ANK2: variants seen among roughly 807,000 people sequenced by gnomAD.
ANK2 encodes ankyrin-2.
ANK2 carries 83 observed loss-of-function variants against 360.5 expected under a neutral mutation model. The ratio of observed to expected loss-of-function variants is 0.23; its 90% CI spans 0.19 to 0.28. ANK2 has a LOEUF of 0.28. Ranked by LOEUF, ANK2 falls within the 10% of genes least tolerant of loss-of-function variation. The pLI is 1.00. For missense variants in ANK2, 4,201 were observed against 4,795.7 expected (o/e 0.88, Z 3.66); for synonymous variants, 1,740 against 1,759.5 (o/e 0.99, Z 0.28).
rs968149274 is a variant in ANK2 at position 113,162,353 on chromosome 4, C to T, written c.85-12063C>T. On this transcript the variant is annotated intron_variant, in intron 1 of 45. Coordinates refer to ENST00000357077, the MANE Select transcript of ANK2 (RefSeq NM_001148.6). Reference sequence around the variant, plus strand: ...TTCCTGTCTTTTACTTATGGTGTAACACTCAATCTCCCTATTAGGACATAC... The same window carrying T: ...TTCCTGTCTTTTACTTATGGTGTAATACTCAATCTCCCTATTAGGACATAC... Among the ~76,000 whole-genome samples, 5 of 152,236 alleles carry T rather than the reference C, an allele frequency of 3.3e-5. No homozygotes were observed. The East Asian group carries it at 7.7e-4, about 23-fold the overall frequency.
At chr4:113,300,138 A>G (rs1242662538) in intron 22 of ANK2, among the ~76,000 whole-genome samples, 1 of 152,142 alleles carries the variant, frequency 6.6e-6, no homozygotes, top group Non-Finnish European at 1.5e-5. Flanking sequence ...ATCAACCACT[A>G]CTATTCTCCA....
intron 45 of ANK2, 94 bp downstream of exon 45, chr4:113,373,543 C>A: frequency 1.5e-6 from 2 of 1,352,498 alleles, no homozygotes; most frequent in Non-Finnish European, 1.1e-6. Context: ...ATATTTTCCT[C>A]ACTTCTCCCT....
chr4:112,861,382 C>T lies in ANK2; in HGVS notation c.-39-43073C>T, dbSNP rs541916413. Among the ~76,000 whole-genome samples the T allele has an allele frequency of 3.3e-5, 5 of 152,284 alleles. No homozygotes were observed. The East Asian group carries it at 7.7e-4, about 24-fold the overall frequency. On this transcript the variant is annotated intron_variant, in intron 1 of 30. Coordinates refer to the ANK2 transcript ENST00000503271. The stretch of plus-strand genomic sequence containing the variant: ...GAATTCTTCCTGAAGCCATGTGTAT[C>T]GGACTAACTATATTTTCCGTTGAGA...
chr4:113,278,382 A>G, intron 16 of ANK2, 78 bp from the exon 17 acceptor site: 1 of 1,164,526 alleles, frequency 8.6e-7, no homozygotes. Flanking sequence ...AATCAATATC[A>G]GTTTCCAGGC....
At chr4:112,738,712 A>G in the ANK2 span, 1 of 611,308 alleles carries the variant, frequency 1.6e-6, no homozygotes, top group Non-Finnish European at 3.1e-6. Flanking sequence ...AAGATCATTA[A>G]AAAGAGAACC....
chr4:112,832,732 C>G (rs1414713692), intron 1 of ANK2, among the ~76,000 whole-genome samples: 1 of 152,166 alleles, frequency 6.6e-6, no homozygotes, highest in African/African-American at 2.4e-5. Flanking sequence ...TGGTCTTCTA[C>G]TGTTATGCAC....
At chr4:112,861,798 AAAAC>A (rs763516871) in intron 1 of ANK2, among the ~76,000 whole-genome samples, 1 of 151,888 alleles carries the variant, frequency 6.6e-6, no homozygotes, top group Non-Finnish European at 1.5e-5. Flanking sequence ...TTCTTTGTTG[AAAAC>A]AAACAGGCAA....
At chr4:112,721,045 T>C in the ANK2 span, among the ~76,000 whole-genome samples, 12 of 152,272 alleles carry the variant, frequency 7.9e-5, no homozygotes, top group Admixed American at 2.0e-4. Context: ...AGAGAAAATA[T>C]AATCCCAGAA....
rs144397802 is a variant in ANK2 at position 113,357,771 on chromosome 4, C to T, written c.9153C>T (p.Asp3051=). 83 of 1,613,914 alleles carry T rather than the reference C, an allele frequency of 5.1e-5. No individual in the cohort carries two copies. The highest frequency in any genetic ancestry group is 4.6e-4 in the South Asian group (42 of 91,072). ...DSDSWSEIRE[D]DEAFEARVKE... is the part of the protein sequence containing the mutation. Reference sequence around the variant, plus strand: ...ATTCTTGGAGTGAAATTCGGGAAGACGATGAAGCCTTTGAGGCTCGTGTGA... The same window carrying T: ...ATTCTTGGAGTGAAATTCGGGAAGATGATGAAGCCTTTGAGGCTCGTGTGA... The change falls in exon 38 of 46, where the codon GAC becomes GAT. Residue 3051 remains aspartate, a synonymous_variant. Transcript: ENST00000357077.
At chr4:113,115,075 T>G (rs953412242) in intron 1 of ANK2, among the ~76,000 whole-genome samples, 1 of 152,166 alleles carries the variant, frequency 6.6e-6, no homozygotes, top group African/African-American at 2.4e-5. Flanking sequence ...CCACCTTCTT[T>G]CCTAATGACT....
chr4:113,318,671 A>G (rs1415139083), intron 26 of ANK2, 51 bp downstream of exon 26: 1 of 1,464,470 alleles, frequency 6.8e-7, no homozygotes, highest in East Asian at 2.4e-5. Context: ...AAGAGATGGG[A>G]GTGAAAACAA....
chr4:112,969,299 C>T (rs1455876418), intron 2 of ANK2, among the ~76,000 whole-genome samples: 3 of 152,202 alleles, frequency 2.0e-5, no homozygotes, highest in Non-Finnish European at 2.9e-5. Context: ...GGATTTGCAA[C>T]ATCTCGTTTC....
chr4:113,359,626 C>G (rs1043224977), intron 38 of ANK2, among the ~76,000 whole-genome samples: 17 of 152,140 alleles, frequency 1.1e-4, no homozygotes, highest in African/African-American at 3.9e-4. Flanking sequence ...CAAGCTTAGA[C>G]TCAAATTAAG....
chr4:112,755,205 A>G, the ANK2 span, among the ~76,000 whole-genome samples: 1 of 152,288 alleles, frequency 6.6e-6, no homozygotes, highest in Non-Finnish European at 1.5e-5. Context: ...CATTCTGGAT[A>G]TGTCTCATTG....
intron 2 of ANK2, among the ~76,000 whole-genome samples, chr4:112,972,344 T>C (rs1156642065): frequency 6.6e-6 from 1 of 152,154 alleles, no homozygotes; most frequent in African/African-American, 2.4e-5. Context: ...TCCCTCCCTT[T>C]GCCCCTCACC....
the ANK2 span, among the ~76,000 whole-genome samples, chr4:112,799,761 G>T: frequency 1.3e-5 from 2 of 149,914 alleles, no homozygotes; most frequent in Admixed American, 6.7e-5. Context: ...CAGGTGATCC[G>T]CCCGCCTCAG....
rs1421490427 is a variant in ANK2, at chr4:113,383,335, TA to T, written c.*1865del. 1 of 152,584 alleles carries T rather than the reference TA, an allele frequency of 6.6e-6. No homozygotes were observed. Among genetic ancestry groups the T allele is most frequent in the Non-Finnish European group, 1.5e-5 (1 of 68,028 alleles). 9.5% of individuals were successfully genotyped at this position (152,584 alleles called of 1,614,324 possible). ...ATGCTAGCACTTTTTGGCAGTTGGA[TA>T]GGAAATGAGACATTCTTTGGCAGCC... On this transcript the variant is annotated 3_prime_UTR_variant, in exon 46 of 46. Transcript: ENST00000357077.
chr4:112,775,515 T>TCACACACACACACA, the ANK2 span, among the ~76,000 whole-genome samples: 6,085 of 118,042 alleles, frequency 0.052, 240 homozygotes, highest in African/African-American at 0.06. Flanking sequence ...CTAAGCTCCA[T>TCACACACACACACA]CACACACACA....
At chr4:112,957,108 C>A (rs2095374973) in intron 2 of ANK2, among the ~76,000 whole-genome samples, 1 of 146,516 alleles carries the variant, frequency 6.8e-6, no homozygotes, top group Non-Finnish European at 1.5e-5. Context: ...GGAAGGTCAG[C>A]AGATAAACAA....
Sources: gnomAD v4.1 joint callset for allele counts (sites outside exome capture counted in the v4.1 genomes callset) on GRCh38, gnomAD v4.1.1 for gene constraint, MANE v1.5 for transcripts, NCBI Gene and HGNC (gene_info 2026-07-23, HGNC 2026-07-21) for gene names.